CDC16: variants seen among roughly 807,000 people sequenced by gnomAD.
CDC16 encodes the protein cell division cycle 16.
CDC16 carries 34 observed loss-of-function variants against 87.0 expected under a neutral mutation model. The observed-to-expected ratio is 0.39, with a 90% CI of 0.30 to 0.52. The LOEUF (loss-of-function observed/expected upper bound fraction) is 0.52, where lower values mean the gene tolerates loss of function less well. CDC16 is among the 20% of genes least tolerant of loss of function. The pLI is 0.74. For missense variants in CDC16, 653 were observed against 751.9 expected (o/e 0.87, Z 1.54); for synonymous variants, 263 against 260.6 (o/e 1.01, Z -0.09).
chr13:114,263,251 G>A lies in CDC16; in HGVS notation c.1512+237G>A, dbSNP rs989176327. ...CAGTGAGGTGCGCAGGTGCCCAGTG[G>A]CACTCACCAGTGATCTGAGTGCTGA... On this transcript the variant is annotated intron_variant, in intron 16 of 17. Coordinates refer to ENST00000356221, the MANE Select transcript of CDC16 (RefSeq NM_001078645.3). Among the ~76,000 whole-genome samples the A allele has an allele frequency of 3.9e-5, 6 of 152,146 alleles. No homozygotes were observed. The South Asian group carries it at 1.2e-3, about 32-fold the overall frequency.
At chr13:114,243,082 C>T (rs991484161) in intron 6 of CDC16, among the ~76,000 whole-genome samples, 175 bp from the exon 7 acceptor site, 1 of 152,166 alleles carries the variant, frequency 6.6e-6, no homozygotes, top group Non-Finnish European at 1.5e-5. Context: ...CCAGATGATT[C>T]CCGTCTTCAG....
At chr13:114,246,892 A>G (rs575686280) in intron 10 of CDC16, 39 bp from the exon 11 acceptor site, 2 of 1,293,470 alleles carry the variant, frequency 1.5e-6, no homozygotes, top group East Asian at 2.3e-5. Flanking sequence ...AGATATTCCA[A>G]TTCCAATCTT....
intron 3 of CDC16, among the ~76,000 whole-genome samples, chr13:114,237,325 T>G (rs2081306024): frequency 6.6e-6 from 1 of 152,192 alleles, no homozygotes; most frequent in East Asian, 1.9e-4. Flanking sequence ...TTGAGGTCTC[T>G]CTGTGTCACC....
intron 16 of CDC16, 103 bp from the exon 17 acceptor site, chr13:114,265,047 C>T (rs1488896235): frequency 2.3e-6 from 2 of 856,544 alleles, no homozygotes; most frequent in Non-Finnish European, 4.0e-6. Flanking sequence ...TGTCTGGCCA[C>T]TTCCCCCACC....
chr13:114,239,129 T>A, intron 4 of CDC16, 101 bp downstream of exon 4: 2 of 1,505,178 alleles, frequency 1.3e-6, no homozygotes, highest in East Asian at 4.6e-5. Context: ...CTTAGCAGGT[T>A]AGTAAAGTAT....
rs17337738 is a variant in CDC16, at chr13:114,235,573, T to C, written c.48+441T>C. On this transcript the variant is annotated intron_variant, in intron 1 of 17. Coordinates refer to ENST00000356221, the MANE Select transcript of CDC16 (RefSeq NM_001078645.3). ...AGCCTGTTGTCTCAAATCAATACTT[T>C]AAAAATTCTCGTTAACTATGTCTGT... Among the ~76,000 whole-genome samples the C allele has an allele frequency of 2.1e-3, 318 of 152,396 alleles. 3 individuals carry two copies. Among genetic ancestry groups the C allele is most frequent in the African/African-American group, 7.3e-3 (303 of 41,598 alleles).
intron 13 of CDC16, among the ~76,000 whole-genome samples, chr13:114,259,097 A>G: frequency 7.0e-6 from 1 of 142,466 alleles, no homozygotes; most frequent in East Asian, 1.9e-4. Flanking sequence ...AGACTCTTAA[A>G]AAAAAAAAAA....
Position 114,250,556 on chromosome 13 carries a change from A to T in CDC16, c.979A>T (p.Thr327Ser). ...EHARRYLSKA[T>S]TLEKTYGPAW... ...TTAACTCTTTTGTTTTAGCAAAGCC[A>T]CAACACTTGAGAAAACCTATGGACC... is the stretch of plus-strand genomic sequence containing the variant. Residue 327 changes from threonine (T) to serine (S), a missense_variant, in exon 12 of 18, where the codon ACA becomes TCA. Transcript: ENST00000356221. The T allele has an allele frequency of 6.2e-7, 1 of 1,613,406 alleles. No individual in the cohort carries two copies. Among genetic ancestry groups the T allele is most frequent in the Non-Finnish European group, 8.5e-7 (1 of 1,179,584 alleles).
Position 114,259,342 on chromosome 13 carries a change from A to G in CDC16, c.1258A>G (p.Thr420Ala). 2 of 1,572,432 alleles carry G rather than the reference A, an allele frequency of 1.3e-6. No individual in the cohort carries two copies. Among genetic ancestry groups the G allele is most frequent in the Non-Finnish European group, 1.7e-6 (2 of 1,169,142 alleles). The change falls in exon 14 of 18, where the codon ACA becomes GCA. Residue 420 changes from threonine (T) to alanine (A), a missense_variant. Thr to Ala is a moderately conservative substitution (Grantham distance 58). Coordinates refer to ENST00000356221, the MANE Select transcript of CDC16 (RefSeq NM_001078645.3). ...TTTTTCCTTTCATTTTAGATGGAAAACAGCCGAAAAATGGTTTCTTGATGC... is the reference window on the plus strand; with the variant it reads ...TTTTTCCTTTCATTTTAGATGGAAAGCAGCCGAAAAATGGTTTCTTGATGC... ...VVAFQNGEWK[T>A]AEKWFLDALE...
intron 16 of CDC16, 49 bp downstream of exon 16, chr13:114,263,063 C>T: frequency 6.6e-7 from 1 of 1,525,022 alleles, no homozygotes. Context: ...ACATTGACCA[C>T]TTCCTTTTTT....
intron 13 of CDC16, among the ~76,000 whole-genome samples, 157 bp from the exon 14 acceptor site, chr13:114,259,178 A>C (rs2082691463): frequency 6.6e-6 from 1 of 152,092 alleles, no homozygotes; most frequent in Non-Finnish European, 1.5e-5. Context: ...AATGCCGTAA[A>C]ATTAATCATT....
intron 11 of CDC16, among the ~76,000 whole-genome samples, 158 bp from the exon 12 acceptor site, chr13:114,250,391 T>C (rs1475366184): frequency 1.3e-5 from 2 of 149,608 alleles, no homozygotes; most frequent in African/African-American, 2.5e-5. Context: ...ACTCGGGAGG[T>C]TGAGGTAGGA....
Position 114,261,928 on chromosome 13 carries a change from G to A in CDC16, c.1356G>A (p.Gly452=). The change falls in exon 15 of 18, where the codon GGG becomes GGA. Residue 452 remains glycine, a synonymous_variant. Coordinates refer to ENST00000356221, the MANE Select transcript of CDC16 (RefSeq NM_001078645.3). ...GGGAACCTTTGTTGAACAACTTGGGGCATGTCTGCAGAAAACTTAAGTAAG... is the reference window on the plus strand; with the variant it reads ...GGGAACCTTTGTTGAACAACTTGGGACATGTCTGCAGAAAACTTAAGTAAG... The part of the protein sequence containing the change: ...DKWEPLLNNL[G]HVCRKLKKYA... The A allele has an allele frequency of 1.2e-6, 2 of 1,602,858 alleles. No homozygotes were observed. Among genetic ancestry groups the A allele is most frequent in the South Asian group, 1.1e-5 (1 of 89,000 alleles).
intron 17 of CDC16, among the ~76,000 whole-genome samples, chr13:114,266,337 A>C (rs2083209924): frequency 6.6e-6 from 1 of 152,214 alleles, no homozygotes; most frequent in Non-Finnish European, 1.5e-5. Context: ...GGGTCCTCTC[A>C]TGTGGACATC....
intron 8 of CDC16, 142 bp downstream of exon 8, chr13:114,244,131 GT>G: frequency 1.7e-6 from 1 of 574,804 alleles, no homozygotes; most frequent in South Asian, 2.9e-5. Context: ...ACTGAACAGG[GT>G]GCTGTCTTAA....
chr13:114,270,276 G>C (rs939068773), intron 17 of CDC16, among the ~76,000 whole-genome samples: 1 of 152,090 alleles, frequency 6.6e-6, no homozygotes, highest in Non-Finnish European at 1.5e-5. Context: ...TCCGGAACAG[G>C]AGGGATTGAG....
At chr13:114,244,274 T>G (rs894768522) in intron 8 of CDC16, among the ~76,000 whole-genome samples, 1 of 152,194 alleles carries the variant, frequency 6.6e-6, no homozygotes, top group Non-Finnish European at 1.5e-5. Context: ...CACATTGTTT[T>G]GTAAAATTTA....
At chr13:114,271,725 C>T (rs1357915283) in intron 17 of CDC16, among the ~76,000 whole-genome samples, 1 of 152,066 alleles carries the variant, frequency 6.6e-6, no homozygotes, top group Non-Finnish European at 1.5e-5. Context: ...TTGTGATCTG[C>T]CCGCCTCGGC....
In CDC16 at chr13:114,250,636, G is replaced by T. The variant is rs749650686; in HGVS notation, c.1059G>T (p.Ala353=). The change falls in exon 12 of 18, where the codon GCG becomes GCT. Residue 353 remains alanine (A), a synonymous_variant. Coordinates refer to ENST00000356221, the MANE Select transcript of CDC16 (RefSeq NM_001078645.3). ...CGGTGGAGAGTGAGCACGACCAAGC[G>T]ATGGCTGCTTACTTCACAGCAGCAC... ...SFAVESEHDQ[A]MAAYFTAAQL... is the part of the protein sequence containing the mutation. 1 of 1,614,094 alleles carries T rather than the reference G, an allele frequency of 6.2e-7. No individual in the cohort carries two copies. The highest frequency in any genetic ancestry group is 2.2e-5 in the East Asian group (1 of 44,886).
Sources: gnomAD v4.1 joint callset for allele counts (sites outside exome capture counted in the v4.1 genomes callset) on GRCh38, gnomAD v4.1.1 for gene constraint, MANE v1.5 for transcripts, NCBI Gene and HGNC (gene_info 2026-07-23, HGNC 2026-07-21) for gene names.